Variants in SFMBT1 observed in about 807,000 individuals in gnomAD.
SFMBT1 encodes Scm like with four mbt domains 1.
In SFMBT1, 32 loss-of-function variants were observed where a neutral mutation model predicts 108.7. The ratio of observed to expected loss-of-function variants is 0.29; its 90% CI spans 0.22 to 0.40. The LOEUF (loss-of-function observed/expected upper bound fraction) is 0.40, where lower values mean the gene tolerates loss of function less well. Ranked by LOEUF, SFMBT1 falls within the 10% of genes least tolerant of loss-of-function variation. The probability of loss-of-function intolerance (pLI) is 1.00; values close to 1 mark genes in which losing one functional copy is unlikely to be tolerated. For missense variants in SFMBT1, 816 were observed against 1,059.6 expected, an observed-to-expected ratio of 0.77 and a Z score of 3.19; for synonymous variants, 348 against 369.5, an observed-to-expected ratio of 0.94 and a Z score of 0.67.
At chr3:52,937,077 G>A (rs141131083) in intron 4 of SFMBT1, among the ~76,000 whole-genome samples, 1,944 of 151,926 alleles carry the variant, frequency 0.013, 48 homozygotes, top group African/African-American at 0.045. Flanking sequence ...TCCTGACCTT[G>A]TGATCCGCCT....
chr3:53,002,807 A>G (rs1391529604), intron 1 of SFMBT1, among the ~76,000 whole-genome samples: 1 of 150,388 alleles, frequency 6.6e-6, no homozygotes, highest in African/African-American at 2.4e-5. Context: ...CTTTCAAAGC[A>G]ATGAGAAAAT....
chr3:53,026,142 T>C (rs1017509254), intron 1 of SFMBT1, among the ~76,000 whole-genome samples: 8 of 152,152 alleles, frequency 5.3e-5, no homozygotes, highest in African/African-American at 1.9e-4. Context: ...ACCATAAACA[T>C]CACTACATGA....
rs375175444 is a variant in SFMBT1 at position 52,928,280 on chromosome 3, C to A, written c.959G>T (p.Arg320Leu). The change falls in exon 9 of 21, where the codon CGG becomes CTG. Residue 320 changes from arginine (R) to leucine (L), a missense_variant. By Grantham distance (102) the Arg-to-Leu change is moderately radical (BLOSUM62 -2). Transcript: ENST00000394752. ...GTCGGCGTGGCACACAAAGGATCGC[C>A]GTGCGTGGTTCTCAGGACGCAAGTC... ...MDDLRPENHA[R>L]RSFVCHADSP... 1 of 1,614,042 alleles carries A rather than the reference C, an allele frequency of 6.2e-7. No homozygotes were observed. The highest frequency in any genetic ancestry group is 1.7e-5 in the Admixed American group (1 of 60,008).
At chr3:53,022,304 G>A (rs1699337231) in intron 1 of SFMBT1, among the ~76,000 whole-genome samples, 1 of 151,968 alleles carries the variant, frequency 6.6e-6, no homozygotes, top group Non-Finnish European at 1.5e-5. Flanking sequence ...ACAAAAATTA[G>A]CTGAACATGG....
At chr3:53,015,908 T>A (rs1254350904) in intron 1 of SFMBT1, among the ~76,000 whole-genome samples, 1 of 152,178 alleles carries the variant, frequency 6.6e-6, no homozygotes, top group Admixed American at 6.5e-5. Context: ...AATTGTATAC[T>A]TTAAGTAGGT....
At chr3:52,951,808 C>A (rs1703604115) in intron 3 of SFMBT1, among the ~76,000 whole-genome samples, 1 of 152,172 alleles carries the variant, frequency 6.6e-6, no homozygotes, top group Non-Finnish European at 1.5e-5. Context: ...CCCTCATTCC[C>A]ATAAACCCAC....
At chr3:52,920,476 G>T in intron 12 of SFMBT1, 61 bp downstream of exon 12, 1 of 1,228,886 alleles carries the variant, frequency 8.1e-7, no homozygotes, top group Non-Finnish European at 1.2e-6. Context: ...GTTTTAATTG[G>T]CAGCAGCCAC....
intron 2 of SFMBT1, among the ~76,000 whole-genome samples, chr3:52,966,585 A>G (rs1255373539): frequency 7.2e-6 from 1 of 138,566 alleles, no homozygotes; most frequent in Non-Finnish European, 1.5e-5. Context: ...AGATCACGCC[A>G]CTGCACTCCA....
At chr3:53,001,962 CACACACACACAT>C (rs1312346992) in intron 1 of SFMBT1, among the ~76,000 whole-genome samples, 15 of 146,712 alleles carry the variant, frequency 1.0e-4, no homozygotes, top group Admixed American at 9.0e-4. Context: ...CACACACACA[CACACACACACAT>C]AAATGAAAGA....
chr3:52,934,184 C>G (rs1013633156), intron 5 of SFMBT1, among the ~76,000 whole-genome samples: 2 of 152,030 alleles, frequency 1.3e-5, no homozygotes, highest in Non-Finnish European at 2.9e-5. Flanking sequence ...AAAAAGATAA[C>G]AAGTGTTGGC....
At position 52,928,273 on chromosome 3, in the gene SFMBT1, G is replaced by C. The variant is rs1702719849; in HGVS notation, c.966C>G (p.Ser322=). 2 of 1,614,088 alleles carry C rather than the reference G, an allele frequency of 1.2e-6. No homozygotes were observed. The highest frequency in any genetic ancestry group is 1.7e-5 in the Admixed American group (1 of 60,012). The change falls in exon 9 of 21, where the codon TCC becomes TCG. Residue 322 remains serine, a synonymous_variant. Coordinates refer to ENST00000394752, the MANE Select transcript of SFMBT1 (RefSeq NM_016329.4). The part of the protein sequence containing the change: ...DLRPENHARR[S]FVCHADSPGI... ...CAGGACTGTCGGCGTGGCACACAAA[G>C]GATCGCCGTGCGTGGTTCTCAGGAC...
chr3:52,973,866 G>T (rs1374798208), intron 1 of SFMBT1, among the ~76,000 whole-genome samples: 1 of 151,994 alleles, frequency 6.6e-6, no homozygotes, highest in Admixed American at 6.5e-5. Context: ...TGATCCGCCT[G>T]CCTCAGCCCT....
At chr3:53,012,002 T>C (rs969875640) in intron 1 of SFMBT1, among the ~76,000 whole-genome samples, 1 of 151,804 alleles carries the variant, frequency 6.6e-6, no homozygotes, top group Non-Finnish European at 1.5e-5. Flanking sequence ...AAAAGAGAGG[T>C]AGGAACTAAC....
At chr3:52,949,730 C>A (rs1176939982) in intron 3 of SFMBT1, among the ~76,000 whole-genome samples, 2 of 151,766 alleles carry the variant, frequency 1.3e-5, no homozygotes, top group Non-Finnish European at 2.9e-5. Context: ...CAGGCATGCA[C>A]CACCACGCCT....
intron 4 of SFMBT1, among the ~76,000 whole-genome samples, chr3:52,935,697 C>T (rs1362617920): frequency 6.6e-6 from 1 of 152,124 alleles, no homozygotes; most frequent in African/African-American, 2.4e-5. Context: ...TATCAAATAT[C>T]CAGTCTATGT....
At chr3:52,928,381 C>T in intron 8 of SFMBT1, 40 bp from the exon 9 acceptor site, 1 of 1,590,226 alleles carries the variant, frequency 6.3e-7, no homozygotes, top group Non-Finnish European at 8.6e-7. Context: ...CAAATGCACA[C>T]ATATATATGT....
At chr3:52,931,597 C>A (rs978746897) in intron 6 of SFMBT1, among the ~76,000 whole-genome samples, 1 of 152,002 alleles carries the variant, frequency 6.6e-6, no homozygotes, top group African/African-American at 2.4e-5. Flanking sequence ...CCCAGCATTA[C>A]GGGAGGCTGA....
At chr3:53,043,685 A>G (rs1306758461) in intron 1 of SFMBT1, among the ~76,000 whole-genome samples, 1 of 152,238 alleles carries the variant, frequency 6.6e-6, no homozygotes, top group Non-Finnish European at 1.5e-5. Context: ...AGAACTACCA[A>G]TCGTAACCTG....
At chr3:52,944,024 A>AT (rs1703279146) in intron 3 of SFMBT1, among the ~76,000 whole-genome samples, 1 of 152,228 alleles carries the variant, frequency 6.6e-6, no homozygotes, top group South Asian at 2.1e-4. Flanking sequence ...ACAGGGAGCC[A>AT]TATTTCCCAG....
Sources: allele counts gnomAD v4.1 joint callset (sites outside exome capture counted in the v4.1 genomes callset), GRCh38; gene constraint gnomAD v4.1.1; transcripts MANE v1.5; gene names NCBI Gene and HGNC (gene_info 2026-07-23, HGNC 2026-07-21).